LEPR: variants seen among roughly 807,000 people sequenced by gnomAD.
LEPR encodes OB receptor.
Under a neutral mutation model 114.7 loss-of-function variants are expected in LEPR, and 56 were observed. The ratio of observed to expected loss-of-function variants is 0.49; its 90% CI spans 0.39 to 0.61. The LOEUF (loss-of-function observed/expected upper bound fraction) is 0.61, where lower values mean the gene tolerates loss of function less well. Among genes scored for constraint, LEPR ranks in the 20% least tolerant of loss-of-function variants. LEPR has a pLI of 0.00. For synonymous variants in LEPR, 443 were observed against 461.4 expected, an observed-to-expected ratio of 0.96 and a Z score of 0.51; for missense variants, 1,202 against 1,352.9, an observed-to-expected ratio of 0.89 and a Z score of 1.75.
chr1:65,603,131 G>T (rs1451107278), intron 10 of LEPR, among the ~76,000 whole-genome samples: 1 of 152,148 alleles, frequency 6.6e-6, no homozygotes, highest in African/African-American at 2.4e-5. Flanking sequence ...AGGACTTACA[G>T]TGTTTCTGCG....
At chr1:65,483,608 T>C (rs1179235527) in intron 2 of LEPR, among the ~76,000 whole-genome samples, 1 of 152,220 alleles carries the variant, frequency 6.6e-6, no homozygotes, top group Non-Finnish European at 1.5e-5. Context: ...GGACTTGGTA[T>C]GTATGATCTG....
intron 2 of LEPR, among the ~76,000 whole-genome samples, chr1:65,482,461 T>G (rs778652646): frequency 3.5e-4 from 54 of 152,268 alleles, no homozygotes; most frequent in Non-Finnish European, 5.6e-4. Context: ...AATTTTATTA[T>G]TAAGCTTATT....
chr1:65,590,660 T>G (rs78611475), intron 5 of LEPR, among the ~76,000 whole-genome samples: 2,501 of 152,098 alleles, frequency 0.016, 81 homozygotes, highest in African/African-American at 0.056. Flanking sequence ...GTGAATCAAT[T>G]AAACCTCTTC....
At chr1:65,445,260 C>G (rs921622091) in intron 2 of LEPR, among the ~76,000 whole-genome samples, 2 of 152,178 alleles carry the variant, frequency 1.3e-5, no homozygotes, top group Admixed American at 1.3e-4. Context: ...AAATGCTGCT[C>G]CTGGCTGTGT....
At chr1:65,455,136 G>T (rs1646849911) in intron 2 of LEPR, among the ~76,000 whole-genome samples, 2 of 152,090 alleles carry the variant, frequency 1.3e-5, no homozygotes, top group Admixed American at 6.5e-5. Context: ...AGCTCCATCA[G>T]CTCCTTTAAG....
chr1:65,596,030 G>T (rs995864743), intron 6 of LEPR, among the ~76,000 whole-genome samples: 1 of 152,016 alleles, frequency 6.6e-6, no homozygotes, highest in Non-Finnish European at 1.5e-5. Flanking sequence ...GGGTAGTTTT[G>T]TGTATTTCCA....
At chr1:65,623,126 C>A in intron 19 of LEPR, 145 bp downstream of exon 19, 1 of 803,016 alleles carries the variant, frequency 1.2e-6, no homozygotes, top group South Asian at 1.8e-5. Flanking sequence ...TATATACTTT[C>A]AAGAATAGCA....
Position 65,626,023 on chromosome 1 carries a change from T to C in LEPR, c.2673+3042T>C, listed in dbSNP as rs1049605790. The C allele has an allele frequency of 2.3e-5, 24 of 1,023,760 alleles. No homozygotes were observed. The African/African-American group carries it at 3.5e-4, about 15-fold the overall frequency. The allele number at this position is 1,023,760 out of a possible 1,614,324, so 63.4% of individuals were successfully genotyped here. A position where few individuals can be genotyped will look rare whatever the true frequency, so the allele number is the denominator to read the frequency against. ...CTGAAATCTTACCTATGGACCACCA[T>C]GAAGTGGTTTCTCAGTGTTCAGGAG... On this transcript the variant is annotated intron_variant, in intron 19 of 19. Transcript: ENST00000349533.
intron 2 of LEPR, among the ~76,000 whole-genome samples, chr1:65,519,227 G>A (rs1649509406): frequency 6.6e-6 from 1 of 150,576 alleles, no homozygotes; most frequent in South Asian, 2.1e-4. Context: ...TCAGCCTACT[G>A]CAACCTCCAC....
At chr1:65,511,948 T>A (rs1649054434) in intron 2 of LEPR, among the ~76,000 whole-genome samples, 1 of 152,134 alleles carries the variant, frequency 6.6e-6, no homozygotes, top group Admixed American at 6.6e-5. Context: ...AGAGGTTAAA[T>A]TGACTCATGG....
chr1:65,460,714 G>A (rs578181501), intron 2 of LEPR, among the ~76,000 whole-genome samples: 3 of 151,780 alleles, frequency 2.0e-5, no homozygotes, highest in African/African-American at 4.8e-5. Flanking sequence ...AAAATTAGCC[G>A]GGCTTGGTGG....
intron 14 of LEPR, among the ~76,000 whole-genome samples, chr1:65,611,711 C>T (rs1361575404): frequency 6.6e-6 from 1 of 152,210 alleles, no homozygotes; most frequent in African/African-American, 2.4e-5. Flanking sequence ...CACATTTCCT[C>T]AGCAATGCTG....
intron 2 of LEPR, among the ~76,000 whole-genome samples, chr1:65,544,742 C>T (rs12121321): frequency 1.3e-5 from 2 of 151,258 alleles, no homozygotes; most frequent in African/African-American, 4.9e-5. Context: ...ATTATTCAGC[C>T]TTAAAACGGG....
chr1:65,528,970 A>ATT (rs370963043), intron 2 of LEPR, among the ~76,000 whole-genome samples: 14 of 142,694 alleles, frequency 9.8e-5, no homozygotes, highest in East Asian at 6.6e-4. Flanking sequence ...ACACCTGGCT[A>ATT]TTTTTTTTTT....
intron 2 of LEPR, among the ~76,000 whole-genome samples, chr1:65,511,020 A>C (rs1209232054): frequency 6.6e-6 from 1 of 152,118 alleles, no homozygotes; most frequent in Non-Finnish European, 1.5e-5. Flanking sequence ...CTCACAAAAA[A>C]AACAAAACAA....
intron 5 of LEPR, among the ~76,000 whole-genome samples, chr1:65,583,978 T>C (rs576285112): frequency 2.8e-4 from 43 of 152,258 alleles, no homozygotes; most frequent in African/African-American, 1.0e-3. Context: ...TAAATATTAA[T>C]TTGGGCATTT....
chr1:65,493,232 C>T lies in LEPR; in HGVS notation c.-21+67854C>T, dbSNP rs142400863. On this transcript the variant is annotated intron_variant, in intron 2 of 19. Transcript: ENST00000349533. ...TTTTTTGTATTTTGTCGATTCTTCC[C>T]GGACGCTGCCAGTTTTTTGCCCATC... Among the ~76,000 whole-genome samples, 6 of 151,954 alleles carry T rather than the reference C, an allele frequency of 3.9e-5. No individual in the cohort carries two copies. In the South Asian group the frequency reaches 8.3e-4, roughly 21 times the overall value.
chr1:65,621,542 A>G, intron 18 of LEPR, 84 bp downstream of exon 18: 1 of 1,161,340 alleles, frequency 8.6e-7, no homozygotes, highest in South Asian at 1.3e-5. Context: ...TAAATTAGGA[A>G]TATTAAAGTC....
At chr1:65,575,460 A>G (rs1441150283) in intron 5 of LEPR, among the ~76,000 whole-genome samples, 4 of 151,434 alleles carry the variant, frequency 2.6e-5, no homozygotes, top group Non-Finnish European at 5.9e-5. Flanking sequence ...TATACTTTAA[A>G]AAAAAAATCA....
Sources: allele counts gnomAD v4.1 joint callset (sites outside exome capture counted in the v4.1 genomes callset), GRCh38; gene constraint gnomAD v4.1.1; transcripts MANE v1.5; gene names NCBI Gene and HGNC (gene_info 2026-07-23, HGNC 2026-07-21).